JADE3: variants seen among roughly 807,000 people sequenced by gnomAD.
JADE3 encodes protein Jade-3.
Under a neutral mutation model 50.1 loss-of-function variants are expected in JADE3, and 2 were observed. That is an observed-to-expected ratio of 0.04 (90% CI 0.02 to 0.13). The LOEUF (loss-of-function observed/expected upper bound fraction) is 0.13, where lower values mean the gene tolerates loss of function less well. JADE3 is among the 10% of genes least tolerant of loss of function. JADE3 has a pLI of 1.00. For missense variants in JADE3, 475 were observed against 634.4 expected, an observed-to-expected ratio of 0.75 and a Z score of 2.70; for synonymous variants, 218 against 232.9, an observed-to-expected ratio of 0.94 and a Z score of 0.58.
intron 1 of JADE3, among the ~76,000 whole-genome samples, chrX:46,973,483 T>C (rs1030884606): frequency 9.8e-5 from 11 of 112,620 alleles, no homozygotes; most frequent in Non-Finnish European, 1.9e-4. Flanking sequence ...AGCAGTGACA[T>C]ATGTAGAATA....
chrX:47,035,927 G>T (rs1556367858), intron 7 of JADE3, among the ~76,000 whole-genome samples: 1 of 111,339 alleles, frequency 9.0e-6, no homozygotes, highest in African/African-American at 3.3e-5. Context: ...CAGATCACTT[G>T]AGTCCAGGAG....
chrX:47,039,440 G>T (rs1556369126), intron 8 of JADE3, among the ~76,000 whole-genome samples: 1 of 105,778 alleles, frequency 9.5e-6, no homozygotes, highest in East Asian at 3.0e-4. Flanking sequence ...GGGGTTACAT[G>T]TGCACATTTG....
intron 1 of JADE3, among the ~76,000 whole-genome samples, chrX:46,927,492 A>G (rs1431725365): frequency 8.9e-6 from 1 of 112,146 alleles, no homozygotes; most frequent in Non-Finnish European, 1.9e-5. Context: ...CAAAGGTTGG[A>G]CCAGATGCCC....
At chrX:46,960,240 A>AAC (rs1491437767) in intron 1 of JADE3, among the ~76,000 whole-genome samples, 34 of 23,469 alleles carry the variant, frequency 1.4e-3, no homozygotes, top group Non-Finnish European at 0.01. Context: ...TCTGTGCAAC[A>AAC]AAAAAAAAAA....
intron 7 of JADE3, 106 bp downstream of exon 7, chrX:47,033,894 C>T: frequency 2.9e-6 from 2 of 695,610 alleles, no homozygotes; most frequent in Non-Finnish European, 4.1e-6. Context: ...CATGCTTGCC[C>T]ATGTTTCTGA....
At chrX:46,993,009 A>AGTT (rs1326430247) in intron 3 of JADE3, among the ~76,000 whole-genome samples, 3 of 111,435 alleles carry the variant, frequency 2.7e-5, no homozygotes, top group East Asian at 2.8e-4. Context: ...ATACTCGTAA[A>AGTT]GTTGTTGTTG....
Position 47,038,728 on chromosome X carries a change from C to G in JADE3, c.856-221C>G, listed in dbSNP as rs142215291. Among the ~76,000 whole-genome samples, 927 of 109,359 alleles carry G rather than the reference C, an allele frequency of 8.5e-3. 2 individuals are homozygous for G. Among genetic ancestry groups the G allele is most frequent in the Non-Finnish European group, 0.013 (709 of 52,548 alleles). 95.0% of individuals were successfully genotyped at this position (109,359 alleles called of 115,157 possible). On this transcript the variant is annotated intron_variant, in intron 7 of 10. Transcript: ENST00000614628. ...ATCATGCCTAGTCTATACTCCTGCTCTCTCATCCCATATGTGAATTATTTA... is the reference window on the plus strand; with the variant it reads ...ATCATGCCTAGTCTATACTCCTGCTGTCTCATCCCATATGTGAATTATTTA...
chrX:46,970,965 T>C (rs1927469601), intron 1 of JADE3, among the ~76,000 whole-genome samples: 1 of 111,239 alleles, frequency 9.0e-6, no homozygotes, highest in South Asian at 3.8e-4. Flanking sequence ...GTGTATTTCA[T>C]AGTAAAAGCA....
At chrX:46,939,613 C>T (rs1454160739) in intron 1 of JADE3, among the ~76,000 whole-genome samples, 88 of 111,928 alleles carry the variant, frequency 7.9e-4, no homozygotes, top group African/African-American at 2.8e-3. Context: ...GGTACTGTTT[C>T]CACTGTAATG....
intron 1 of JADE3, among the ~76,000 whole-genome samples, chrX:46,971,277 A>G (rs1556350245): frequency 1.9e-5 from 2 of 106,745 alleles, no homozygotes; most frequent in East Asian, 3.1e-4. Context: ...CACCATGCCC[A>G]GCTAATTTTT....
chrX:46,957,836 A>G (rs1337267806), intron 1 of JADE3, among the ~76,000 whole-genome samples: 1 of 112,063 alleles, frequency 8.9e-6, no homozygotes, highest in Non-Finnish European at 1.9e-5. Flanking sequence ...TATTCTGTCT[A>G]GCCGTTCTAT....
At chrX:47,039,179 C>G (rs782251599) in intron 8 of JADE3, 114 bp downstream of exon 8, 16 of 438,271 alleles carry the variant, frequency 3.7e-5, no homozygotes, top group Non-Finnish European at 6.0e-5. Context: ...CCCACCCACT[C>G]TTAGGGCTCT....
chrX:46,972,494 C>T (rs2147125376), intron 1 of JADE3, among the ~76,000 whole-genome samples: 1 of 112,474 alleles, frequency 8.9e-6, no homozygotes, highest in African/African-American at 3.2e-5. Flanking sequence ...CTGCACCCGG[C>T]CACAAGTTTT....
At chrX:47,057,804 T>A (rs1243386852) in intron 10 of JADE3, among the ~76,000 whole-genome samples, 1 of 111,945 alleles carries the variant, frequency 8.9e-6, no homozygotes, top group Non-Finnish European at 1.9e-5. Context: ...AACACATGCA[T>A]GCACAGACAC....
chrX:46,975,714 C>CTTTTTTTTTTTTTTTTTT (rs782578317), intron 1 of JADE3, among the ~76,000 whole-genome samples: 127 of 40,472 alleles, frequency 3.1e-3, no homozygotes, highest in Middle Eastern at 0.037. Context: ...TTTTCTTTTT[C>CTTTTTTTTTTTTTTTTTT]TTTTTTTTTT....
chrX:47,033,870 G>A (rs1929075127), intron 7 of JADE3, 82 bp downstream of exon 7: 2 of 820,981 alleles, frequency 2.4e-6, no homozygotes, highest in Non-Finnish European at 3.4e-6. Context: ...CTCAGGCTCA[G>A]TATGGAAATG....
At chrX:47,002,164 C>T (rs1799298681) in intron 4 of JADE3, among the ~76,000 whole-genome samples, 1 of 110,423 alleles carries the variant, frequency 9.1e-6, no homozygotes. Context: ...CTTTTAATGT[C>T]ATGCTGTGAA....
intron 4 of JADE3, among the ~76,000 whole-genome samples, chrX:47,000,253 T>C (rs1378330017): frequency 9.0e-6 from 1 of 111,459 alleles, no homozygotes; most frequent in Admixed American, 9.6e-5. Flanking sequence ...AATGAACATA[T>C]GAGTTGAGTG....
At chrX:46,978,004 A>G (rs940518420) in intron 1 of JADE3, among the ~76,000 whole-genome samples, 7 of 111,542 alleles carry the variant, frequency 6.3e-5, no homozygotes, top group African/African-American at 2.3e-4. Flanking sequence ...TTGCCTGTTT[A>G]TTTTGTGCAG....
Sources: gnomAD v4.1 joint callset for allele counts (sites outside exome capture counted in the v4.1 genomes callset) on GRCh38, gnomAD v4.1.1 for gene constraint, MANE v1.5 for transcripts, NCBI Gene and HGNC (gene_info 2026-07-23, HGNC 2026-07-21) for gene names.